The following CCDC60 variants were observed in gnomAD, a reference collection of about 807,000 sequenced individuals.
CCDC60 encodes coiled-coil domain containing 60.
Under a neutral mutation model 63.5 loss-of-function variants are expected in CCDC60, and 54 were observed. The ratio of observed to expected loss-of-function variants is 0.85; its 90% CI spans 0.68 to 1.07. CCDC60 has a LOEUF of 1.07. CCDC60 is among the 50% of genes least tolerant of loss of function. The probability of loss-of-function intolerance (pLI) is 0.00; values close to 1 mark genes in which losing one functional copy is unlikely to be tolerated. For missense variants in CCDC60, 651 were observed against 684.3 expected, an observed-to-expected ratio of 0.95 and a Z score of 0.54; for synonymous variants, 206 against 238.8, an observed-to-expected ratio of 0.86 and a Z score of 1.27.
intron 1 of CCDC60, among the ~76,000 whole-genome samples, chr12:119,357,238 T>C (rs920025284): frequency 6.6e-6 from 1 of 152,246 alleles, no homozygotes; most frequent in Non-Finnish European, 1.5e-5. Context: ...ATCATTTCTG[T>C]TTTGAGAACA....
rs554396470 is a variant in CCDC60 at position 119,489,569 on chromosome 12, G to T, written c.557+703G>T. ...TGCAGGAACAGCATTGTACACACAG[G>T]GCAGAACAAAGAACAGACAGGCATG... On this transcript the variant is annotated intron_variant, in intron 5 of 13. Coordinates refer to ENST00000327554, the MANE Select transcript of CCDC60 (RefSeq NM_178499.5). 5.2e-4 allele frequency among the ~76,000 whole-genome samples: 79 copies of T among 152,284 alleles called. 1 individual carries two copies. The South Asian group carries it at 0.016, about 31-fold the overall frequency.
chr12:119,412,842 T>C (rs1189052846), intron 1 of CCDC60, among the ~76,000 whole-genome samples: 1 of 140,214 alleles, frequency 7.1e-6, no homozygotes, highest in Non-Finnish European at 1.5e-5. Context: ...GTGGCAGACA[T>C]TGCTAATCAA....
intron 1 of CCDC60, among the ~76,000 whole-genome samples, chr12:119,369,712 G>A (rs111256240): frequency 1.7e-4 from 26 of 152,246 alleles, no homozygotes; most frequent in African/African-American, 5.5e-4. Flanking sequence ...TTAGCTCGTG[G>A]GGTTGTTAGG....
At chr12:119,521,278 CAACTAAAGAT>C (rs1952521496) in intron 9 of CCDC60, among the ~76,000 whole-genome samples, 1 of 152,162 alleles carries the variant, frequency 6.6e-6, no homozygotes, top group African/African-American at 2.4e-5. Flanking sequence ...AAAGTTAGTT[CAACTAAAGAT>C]GCAACTTTTT....
intron 2 of CCDC60, among the ~76,000 whole-genome samples, chr12:119,446,187 A>T (rs1288149832): frequency 6.6e-6 from 1 of 152,234 alleles, no homozygotes; most frequent in Non-Finnish European, 1.5e-5. Context: ...CTTACATAGG[A>T]GTCCATTAAA....
chr12:119,493,889 G>A (rs1012012393), intron 5 of CCDC60, among the ~76,000 whole-genome samples: 1 of 151,964 alleles, frequency 6.6e-6, no homozygotes, highest in African/African-American at 2.4e-5. Flanking sequence ...TATGATACAT[G>A]TGCCATATAG....
chr12:119,412,763 A>ACCCC (rs150785942), intron 1 of CCDC60, among the ~76,000 whole-genome samples: 7 of 88,016 alleles, frequency 8.0e-5, no homozygotes, highest in African/African-American at 1.4e-4. Flanking sequence ...AAAGCCCCCC[A>ACCCC]CCCCCCCCCA....
chr12:119,505,619 G>C (rs1858819), intron 7 of CCDC60, among the ~76,000 whole-genome samples: 12,540 of 152,330 alleles, frequency 0.082, 676 homozygotes, highest in Non-Finnish European at 0.12. Context: ...ACTTTGGGAA[G>C]CTGAGGCAGG....
At chr12:119,506,377 CAG>C (rs1242162448) in intron 7 of CCDC60, among the ~76,000 whole-genome samples, 2 of 141,966 alleles carry the variant, frequency 1.4e-5, no homozygotes, top group Non-Finnish European at 3.0e-5. Context: ...TGGAGGTGGG[CAG>C]ATCGCTTGAG....
chr12:119,387,074 ACT>A (rs1283142023), intron 1 of CCDC60, among the ~76,000 whole-genome samples: 11 of 142,402 alleles, frequency 7.7e-5, no homozygotes, highest in African/African-American at 2.7e-4. Context: ...ACACACACAC[ACT>A]CTCCAATTAA....
intron 4 of CCDC60, among the ~76,000 whole-genome samples, chr12:119,480,016 A>G (rs902192812): frequency 2.0e-5 from 3 of 147,188 alleles, no homozygotes; most frequent in Non-Finnish European, 4.4e-5. Context: ...ACACACACAC[A>G]CACACACACA....
At chr12:119,479,029 GAGA>G (rs1367936110) in intron 3 of CCDC60, 62 bp from the exon 4 acceptor site, 9 of 1,108,556 alleles carry the variant, frequency 8.1e-6, no homozygotes, top group African/African-American at 3.0e-5. Flanking sequence ...ACCGTGGCAA[GAGA>G]AGAAGGTGTT....
chr12:119,444,154 A>G (rs867664), intron 2 of CCDC60, among the ~76,000 whole-genome samples: 31,755 of 152,220 alleles, frequency 0.21, 3,451 homozygotes, highest in Admixed American at 0.27. Context: ...TTAAGGTTCT[A>G]TAGTTTGTTG....
intron 2 of CCDC60, among the ~76,000 whole-genome samples, chr12:119,436,630 C>A (rs572638084): frequency 6.6e-6 from 1 of 152,006 alleles, no homozygotes; most frequent in South Asian, 2.1e-4. Context: ...CCTCCGCCTC[C>A]CGGGTTCAAG....
chr12:119,445,741 GAAT>G (rs1950532326), intron 2 of CCDC60, among the ~76,000 whole-genome samples: 1 of 152,052 alleles, frequency 6.6e-6, no homozygotes, highest in Non-Finnish European at 1.5e-5. Flanking sequence ...GTGTTTCCTG[GAAT>G]ACTACTCAGC....
chr12:119,519,432 T>C (rs58903793), intron 8 of CCDC60, among the ~76,000 whole-genome samples: 17,617 of 129,224 alleles, frequency 0.14, 1,236 homozygotes, highest in East Asian at 0.28. Context: ...TGTGTGTGTG[T>C]GTGCGCGTGT....
At chr12:119,337,650 T>C (rs551599425) in intron 1 of CCDC60, among the ~76,000 whole-genome samples, 22 of 152,320 alleles carry the variant, frequency 1.4e-4, no homozygotes, top group African/African-American at 5.3e-4. Context: ...AAAATGAGAC[T>C]CGCCTTCAAG....
At chr12:119,445,203 G>A (rs942796321) in intron 2 of CCDC60, among the ~76,000 whole-genome samples, 2 of 151,978 alleles carry the variant, frequency 1.3e-5, no homozygotes, top group African/African-American at 4.8e-5. Flanking sequence ...GGAGGCCGAG[G>A]TGGGTGGATC....
intron 1 of CCDC60, among the ~76,000 whole-genome samples, chr12:119,359,240 A>C (rs180894022): frequency 6.6e-6 from 1 of 152,260 alleles, no homozygotes; most frequent in East Asian, 1.9e-4. Flanking sequence ...CCATTTGGAT[A>C]TATTCTTTCA....
Sources: gnomAD v4.1 joint callset for allele counts (sites outside exome capture counted in the v4.1 genomes callset) on GRCh38, gnomAD v4.1.1 for gene constraint, MANE v1.5 for transcripts, NCBI Gene and HGNC (gene_info 2026-07-23, HGNC 2026-07-21) for gene names.